RBFOX1: variants seen among roughly 807,000 people sequenced by gnomAD.
The protein encoded by RBFOX1 is RNA binding protein fox-1 homolog 1.
In RBFOX1, 8 loss-of-function variants were observed where a neutral mutation model predicts 57.7. The observed-to-expected ratio is 0.14, with a 90% CI of 0.08 to 0.25. RBFOX1 has a LOEUF of 0.25. RBFOX1 is among the 10% of genes least tolerant of loss of function. The pLI is 1.00. For synonymous variants in RBFOX1, 326 were observed against 222.4 expected, an observed-to-expected ratio of 1.47 and a Z score of -4.15; for missense variants, 611 against 548.5, an observed-to-expected ratio of 1.11 and a Z score of -1.14.
intron 2 of RBFOX1, among the ~76,000 whole-genome samples, chr16:6,615,498 G>C (rs1248757313): frequency 6.6e-6 from 1 of 151,728 alleles, no homozygotes; most frequent in African/African-American, 2.4e-5. Flanking sequence ...TGAACCCAAG[G>C]GGCAGAGGTT....
At chr16:6,922,535 G>C (rs923967998) in intron 3 of RBFOX1, among the ~76,000 whole-genome samples, 6 of 152,050 alleles carry the variant, frequency 3.9e-5, no homozygotes. Flanking sequence ...TTATTTTCCT[G>C]CGTCTGTGTT....
intron 4 of RBFOX1, among the ~76,000 whole-genome samples, chr16:7,471,080 C>G (rs2061470508): frequency 6.6e-6 from 1 of 152,028 alleles, no homozygotes; most frequent in Non-Finnish European, 1.5e-5. Context: ...TGAAAATGTT[C>G]TTCCCAACCA....
chr16:5,882,229 G>T (rs897789271), intron 4 of RBFOX1, among the ~76,000 whole-genome samples: 1 of 151,872 alleles, frequency 6.6e-6, no homozygotes, highest in Non-Finnish European at 1.5e-5. Context: ...TCGTAGCTAT[G>T]TCAGAGGTGG....
At chr16:7,665,685 A>G (rs1452448219) in intron 13 of RBFOX1, among the ~76,000 whole-genome samples, 1 of 152,216 alleles carries the variant, frequency 6.6e-6, no homozygotes, top group Non-Finnish European at 1.5e-5. Context: ...AGCATTGACG[A>G]TATGAAAATG....
chr16:7,409,399 A>T (rs1036883953), intron 4 of RBFOX1, among the ~76,000 whole-genome samples: 1 of 152,228 alleles, frequency 6.6e-6, no homozygotes, highest in Non-Finnish European at 1.5e-5. Flanking sequence ...AGAATATAAC[A>T]CAAGTATTTA....
chr16:5,908,689 C>G (rs951079951), intron 4 of RBFOX1, among the ~76,000 whole-genome samples: 1 of 152,068 alleles, frequency 6.6e-6, no homozygotes, highest in African/African-American at 2.4e-5. Flanking sequence ...GCATTGCAGA[C>G]TCTTAGTTTC....
chr16:6,172,111 G>A (rs558840940), intron 1 of RBFOX1, among the ~76,000 whole-genome samples: 27 of 152,190 alleles, frequency 1.8e-4, no homozygotes, highest in African/African-American at 6.0e-4. Flanking sequence ...ATGAGCCACC[G>A]AGCCCAGCTA....
Position 7,075,617 on chromosome 16 carries a change from G to T in RBFOX1, c.27+23519G>T, listed in dbSNP as rs1051399607. On this transcript the variant is annotated intron_variant, in intron 4 of 15. Transcript: ENST00000550418. ...TTTTTATGAGACGGAGTCTCGCTCT[G>T]TTGCGCAGGCTGGAGTGCAGTGGTG... Among the ~76,000 whole-genome samples, 7 of 151,964 alleles carry T rather than the reference G, an allele frequency of 4.6e-5. No individual in the cohort carries two copies. The South Asian group carries it at 1.2e-3, about 27-fold the overall frequency.
chr16:5,711,912 A>G (rs752782773), intron 3 of RBFOX1, among the ~76,000 whole-genome samples: 1 of 152,224 alleles, frequency 6.6e-6, no homozygotes, highest in Non-Finnish European at 1.5e-5. Context: ...CCTGCTATGC[A>G]TTAGTTTGTT....
Position 5,452,789 on chromosome 16 carries a change from G to A in RBFOX1, c.220-14427G>A, listed in dbSNP as rs372780916. ...CTCCTGAATAGCTTGGATTACAGGC[G>A]TGCACCACCACACCTGGCTAATTTT... On this transcript the variant is annotated intron_variant, in intron 1 of 2. Coordinates refer to the RBFOX1 transcript ENST00000585867. Among the ~76,000 whole-genome samples, 17 of 151,964 alleles carry A rather than the reference G, an allele frequency of 1.1e-4. No homozygotes were observed. The South Asian group carries it at 1.2e-3, about 11-fold the overall frequency.
At chr16:5,367,596 C>A (rs1166113938) in intron 1 of RBFOX1, among the ~76,000 whole-genome samples, 1 of 152,218 alleles carries the variant, frequency 6.6e-6, no homozygotes, top group Non-Finnish European at 1.5e-5. Flanking sequence ...CATTATCTTA[C>A]TGGTACTGGG....
At chr16:5,397,071 T>A (rs536862981) in intron 1 of RBFOX1, among the ~76,000 whole-genome samples, 1 of 152,150 alleles carries the variant, frequency 6.6e-6, no homozygotes, top group Non-Finnish European at 1.5e-5. Flanking sequence ...GAAGAGCATG[T>A]GGAAATTAGC....
At chr16:5,677,074 T>C (rs915322593) in intron 3 of RBFOX1, among the ~76,000 whole-genome samples, 3 of 152,214 alleles carry the variant, frequency 2.0e-5, no homozygotes, top group Admixed American at 6.5e-5. Flanking sequence ...CTTCCCAGGC[T>C]GGTGGGAAGT....
Position 7,186,293 on chromosome 16 carries a change from T to TATAAACATAAACATATTTATATAAAC in RBFOX1, c.27+134220_27+134221insCATAAACATAAACATATTTATATAAA, listed in dbSNP as rs1567617822. ...ATAAACATAAACATATTTATATAAA[T>TATAAACATAAACATATTTATATAAAC]ATAAACATAAACATATTTATATAAA... On this transcript the variant is annotated intron_variant, in intron 4 of 15. Coordinates refer to ENST00000550418, the MANE Select transcript of RBFOX1 (RefSeq NM_018723.4). Among the ~76,000 whole-genome samples, 9 of 105,216 alleles carry TATAAACATAAACATATTTATATAAAC rather than the reference T, an allele frequency of 8.6e-5. 1 individual carries two copies. The highest frequency in any genetic ancestry group is 1.9e-4 in the Admixed American group (2 of 10,766). The allele number at this position is 105,216 out of a possible 152,430, so 69.0% of individuals were successfully genotyped here. A position where few individuals can be genotyped will look rare whatever the true frequency, so the allele number is the denominator to read the frequency against.
chr16:7,399,302 C>G (rs998698156), intron 4 of RBFOX1, among the ~76,000 whole-genome samples: 2 of 149,568 alleles, frequency 1.3e-5, no homozygotes, highest in South Asian at 4.2e-4. Context: ...ACAAAATTAG[C>G]CAAGTGCGAT....
chr16:7,505,041 T>A (rs2072767525), intron 4 of RBFOX1, among the ~76,000 whole-genome samples: 1 of 151,098 alleles, frequency 6.6e-6, no homozygotes, highest in Non-Finnish European at 1.5e-5. Context: ...CAACGGTGGA[T>A]GGTTTTGACC....
chr16:5,538,559 G>A (rs2044797496), intron 2 of RBFOX1, among the ~76,000 whole-genome samples: 1 of 151,246 alleles, frequency 6.6e-6, no homozygotes, highest in African/African-American at 2.4e-5. Flanking sequence ...GATAGTTTTT[G>A]TTATCAGGCA....
chr16:7,611,102 A>C (rs2057383619), intron 10 of RBFOX1, among the ~76,000 whole-genome samples: 1 of 152,194 alleles, frequency 6.6e-6, no homozygotes, highest in Non-Finnish European at 1.5e-5. Context: ...ATATTCTCAT[A>C]GTGTAATTAT....
At chr16:6,965,832 T>C (rs1312660435) in intron 3 of RBFOX1, among the ~76,000 whole-genome samples, 1 of 152,124 alleles carries the variant, frequency 6.6e-6, no homozygotes, top group Admixed American at 6.6e-5. Flanking sequence ...CTGAAATAGG[T>C]GCTGTCGCAT....
Sources: gnomAD v4.1 joint callset for allele counts (sites outside exome capture counted in the v4.1 genomes callset) on GRCh38, gnomAD v4.1.1 for gene constraint, MANE v1.5 for transcripts, NCBI Gene and HGNC (gene_info 2026-07-23, HGNC 2026-07-21) for gene names.